RIPOR3: variants seen among roughly 807,000 people sequenced by gnomAD.
RIPOR3 encodes the protein RIPOR family member 3, also known as family with sequence similarity 65 member C.
In RIPOR3, 95 loss-of-function variants were observed where a neutral mutation model predicts 114.3. The observed-to-expected ratio is 0.83, with a 90% CI of 0.70 to 0.99. The LOEUF (loss-of-function observed/expected upper bound fraction) is 0.99, where lower values mean the gene tolerates loss of function less well. RIPOR3 is among the 50% of genes least tolerant of loss of function. The probability of loss-of-function intolerance (pLI) is 0.00; values close to 1 mark genes in which losing one functional copy is unlikely to be tolerated. For missense variants in RIPOR3, 1,252 were observed against 1,266.9 expected (o/e 0.99, Z 0.18); for synonymous variants, 575 against 543.8 (o/e 1.06, Z -0.80).
rs186184520 is a variant in RIPOR3, at chr20:50,598,099, A to G, written c.1660-389T>C. On this transcript the variant is annotated intron_variant, in intron 13 of 21. Transcript: ENST00000327979. Reference sequence around the variant, plus strand: ...CGCTCATAGATCGCCCAGTTCTAAGAAAACCCTAAAACATGGATATTTATG... The same window carrying G: ...CGCTCATAGATCGCCCAGTTCTAAGGAAACCCTAAAACATGGATATTTATG... Among the ~76,000 whole-genome samples, 292 of 152,360 alleles carry G rather than the reference A, an allele frequency of 1.9e-3. 1 individual carries two copies. In the Middle Eastern group the frequency reaches 0.02, roughly 11 times the overall value.
At chr20:50,617,332 G>A (rs186358423) in intron 3 of RIPOR3, among the ~76,000 whole-genome samples, 2 of 152,246 alleles carry the variant, frequency 1.3e-5, no homozygotes, top group Admixed American at 6.5e-5. Context: ...GGAAGAAGGG[G>A]CTGCCTTGGC....
chr20:50,687,225 G>T (rs6012999), intron 1 of RIPOR3, among the ~76,000 whole-genome samples: 123,096 of 152,218 alleles, frequency 0.81, 50,790 homozygotes, highest in East Asian at 0.96. Context: ...ACCAGGGCCT[G>T]TGTCGCTGGT....
chr20:50,623,272 A>AG (rs1177456606), intron 2 of RIPOR3, among the ~76,000 whole-genome samples: 2 of 150,862 alleles, frequency 1.3e-5, no homozygotes, highest in African/African-American at 2.4e-5. Context: ...AAAAAAAAAA[A>AG]AAAAAAAGAA....
At chr20:50,676,088 C>A (rs899635438) in intron 1 of RIPOR3, among the ~76,000 whole-genome samples, 8 of 152,166 alleles carry the variant, frequency 5.3e-5, no homozygotes, top group Admixed American at 5.2e-4. Context: ...AGTGTTTTTC[C>A]ACCAGGAAAC....
rs558909953 is a variant in RIPOR3 at position 50,634,030 on chromosome 20, G to A, written c.4-3174C>T. Among the ~76,000 whole-genome samples, 4 of 145,070 alleles carry A rather than the reference G, an allele frequency of 2.8e-5. No individual in the cohort carries two copies. In the East Asian group the frequency reaches 8.1e-4, roughly 30 times the overall value. On this transcript the variant is annotated intron_variant, in intron 1 of 21. Coordinates refer to ENST00000327979, the MANE Select transcript of RIPOR3 (RefSeq NM_001290268.2). ...AGGGTCTGACTCTATTGCCCAGGCT[G>A]GCGTGCAGTGACACGATCTCAGCTC...
Position 50,658,751 on chromosome 20 carries a change from G to A in RIPOR3, c.4-27895C>T, listed in dbSNP as rs143736406. On this transcript the variant is annotated intron_variant, in intron 1 of 21. Coordinates refer to ENST00000327979, the MANE Select transcript of RIPOR3 (RefSeq NM_001290268.2). ...ATCTTTACATGTTATTTTATAAGAT[G>A]TTATTATTACCCTCCAGCCTTCTTT... 1.7e-3 allele frequency among the ~76,000 whole-genome samples: 261 copies of A among 152,226 alleles called. 1 individual carries two copies. Among genetic ancestry groups the A allele is most frequent in the Middle Eastern group, 6.8e-3 (2 of 294 alleles).
intron 1 of RIPOR3, among the ~76,000 whole-genome samples, chr20:50,664,206 C>T (rs925896759): frequency 1.3e-4 from 20 of 152,186 alleles, no homozygotes; most frequent in African/African-American, 3.4e-4. Flanking sequence ...GCACTATAGG[C>T]GTGAGCCACC....
intron 1 of RIPOR3, among the ~76,000 whole-genome samples, chr20:50,644,833 T>A (rs2085344417): frequency 8.5e-6 from 1 of 117,532 alleles, no homozygotes; most frequent in Admixed American, 8.1e-5. Flanking sequence ...TTTATTTATT[T>A]TTTATTTTTT....
intron 1 of RIPOR3, among the ~76,000 whole-genome samples, chr20:50,649,599 C>G (rs2085530313): frequency 6.6e-6 from 1 of 152,104 alleles, no homozygotes; most frequent in Non-Finnish European, 1.5e-5. Flanking sequence ...CCACCCCCAC[C>G]CACAGGGACT....
intron 1 of RIPOR3, among the ~76,000 whole-genome samples, chr20:50,665,421 C>CTT (rs11471486): frequency 6.5e-5 from 7 of 107,844 alleles, no homozygotes; most frequent in East Asian, 3.2e-4. Context: ...CCCCCTCTTC[C>CTT]TTTTTTTTTT....
At chr20:50,639,971 C>T (rs1369748318) in intron 1 of RIPOR3, among the ~76,000 whole-genome samples, 1 of 151,624 alleles carries the variant, frequency 6.6e-6, no homozygotes, top group Non-Finnish European at 1.5e-5. Context: ...GCCACACGTC[C>T]CTGTGCTAAA....
intron 1 of RIPOR3, among the ~76,000 whole-genome samples, chr20:50,667,050 C>A (rs1290587644): frequency 6.6e-6 from 1 of 152,062 alleles, no homozygotes; most frequent in Non-Finnish European, 1.5e-5. Flanking sequence ...TTCCTGAATG[C>A]CTTGTCCTTA....
chr20:50,677,423 G>T (rs1454622457), intron 1 of RIPOR3, among the ~76,000 whole-genome samples: 1 of 147,254 alleles, frequency 6.8e-6, no homozygotes, highest in African/African-American at 2.5e-5. Context: ...CCAGGCCTGG[G>T]TGCAGTGGCG....
chr20:50,688,639 C>G (rs529899181), intron 1 of RIPOR3, among the ~76,000 whole-genome samples: 3 of 152,148 alleles, frequency 2.0e-5, no homozygotes, highest in African/African-American at 7.2e-5. Flanking sequence ...AGAATATCAC[C>G]GAACTGAGGA....
intron 2 of RIPOR3, among the ~76,000 whole-genome samples, chr20:50,623,279 AG>A (rs1225105613): frequency 2.0e-5 from 3 of 150,316 alleles, no homozygotes; most frequent in Non-Finnish European, 3.0e-5. Flanking sequence ...AAAAAAAAAA[AG>A]AAAAAAAAGA....
chr20:50,609,809 C>T, intron 6 of RIPOR3, 87 bp from the exon 7 acceptor site: 1 of 1,330,038 alleles, frequency 7.5e-7, no homozygotes, highest in Non-Finnish European at 9.7e-7. Context: ...CTGGGAGAGG[C>T]CCTCCCTGAG....
intron 3 of RIPOR3, 43 bp downstream of exon 3, chr20:50,619,943 A>G (rs753195670): frequency 3.8e-6 from 6 of 1,584,910 alleles, no homozygotes; most frequent in Non-Finnish European, 5.2e-6. Context: ...GAGGCGAGGT[A>G]GAGGAATGCA....
intron 1 of RIPOR3, among the ~76,000 whole-genome samples, chr20:50,670,179 AAG>A (rs934442904): frequency 1.3e-5 from 2 of 151,382 alleles, no homozygotes; most frequent in African/African-American, 2.4e-5. Flanking sequence ...AAAAAAAAAA[AAG>A]AAGAGGGCGC....
At chr20:50,608,271 C>T (rs547839648) in intron 11 of RIPOR3, 118 bp downstream of exon 11, 14 of 1,437,602 alleles carry the variant, frequency 9.7e-6, no homozygotes, top group Admixed American at 1.9e-5. Flanking sequence ...GATGAGGACC[C>T]GTGAGGGCAG....
Sources: allele counts gnomAD v4.1 joint callset (sites outside exome capture counted in the v4.1 genomes callset), GRCh38; gene constraint gnomAD v4.1.1; transcripts MANE v1.5; gene names NCBI Gene and HGNC (gene_info 2026-07-23, HGNC 2026-07-21).